Variants in KNG1 observed in about 807,000 individuals in gnomAD.
KNG1 encodes kininogen 1, also known as kininogen-1.
In KNG1, 23 loss-of-function variants were observed where a neutral mutation model predicts 47.8. That is an observed-to-expected ratio of 0.48 (90% CI 0.35 to 0.68). KNG1 has a LOEUF of 0.68. Among genes scored for constraint, KNG1 ranks in the 30% least tolerant of loss-of-function variants. The pLI, the probability that KNG1 is intolerant of heterozygous loss-of-function variation, is 0.01. For synonymous variants in KNG1, 277 were observed against 277.0 expected (o/e 1.00, Z 0.00); for missense variants, 762 against 790.2 (o/e 0.96, Z 0.43).
intron 5 of KNG1, chr3:186,729,132 C>CA (rs1204354125): frequency 5.3e-5 from 8 of 152,142 alleles, no homozygotes; most frequent in African/African-American, 1.9e-4. Flanking sequence ...AAGAGTTTAA[C>CA]ATGCAGAATA....
At chr3:186,731,457 G>C (rs368313974) in intron 5 of KNG1, 88 bp from the exon 6 acceptor site, 8 of 773,032 alleles carry the variant, frequency 1.0e-5, no homozygotes. Context: ...GAAAGTACAC[G>C]TCCTATTCTT....
Position 186,743,601 on chromosome 3 carries a change from C to T in KNG1, c.*1270C>T, listed in dbSNP as rs143325242. The stretch of plus-strand genomic sequence containing the variant: ...ATTGTCTGTTCTTTTAAATAAACAA[C>T]CACAGATGTCAGGAAAAAGTCTTAC... On this transcript the variant is annotated 3_prime_UTR_variant, in exon 10 of 10. Coordinates refer to ENST00000644859, the MANE Select transcript of KNG1 (RefSeq NM_001102416.3). 1.2e-6 allele frequency: 1 copy of T among 801,728 alleles called. No homozygotes were observed. Among genetic ancestry groups the T allele is most frequent in the Non-Finnish European group, 2.2e-6 (1 of 464,902 alleles). The allele number at this position is 801,728 out of a possible 1,614,324, so 49.7% of individuals were successfully genotyped here. A position where few individuals can be genotyped will look rare whatever the true frequency, so the allele number is the denominator to read the frequency against.
chr3:186,717,689 A>G lies in KNG1; in HGVS notation c.147A>G (p.Gln49=). The change falls in exon 1 of 10, where the codon CAA becomes CAG. Residue 49 remains glutamine (Q), a synonymous_variant. Coordinates refer to ENST00000644859, the MANE Select transcript of KNG1 (RefSeq NM_001102416.3). ...TGAAGAAATATAACAGTCAAAACCAAAGTAACAACCAGTTTGTATTGTACC... is the reference window on the plus strand; with the variant it reads ...TGAAGAAATATAACAGTCAAAACCAGAGTAACAACCAGTTTGTATTGTACC... ...AALKKYNSQN[Q]SNNQFVLYRI... The G allele has an allele frequency of 1.2e-6, 2 of 1,613,122 alleles. No individual in the cohort carries two copies. Among genetic ancestry groups the G allele is most frequent in the South Asian group, 2.2e-5 (2 of 91,066 alleles).
In KNG1 at chr3:186,725,149, G is replaced by A. The variant is rs1252094415; in HGVS notation, c.453G>A (p.Thr151=). 3 of 1,614,010 alleles carry A rather than the reference G, an allele frequency of 1.9e-6. No homozygotes were observed. Among genetic ancestry groups the A allele is most frequent in the Middle Eastern group, 3.3e-4 (2 of 6,084 alleles). ...DCLGCVHPIS[T]QSPDLEPILR... ...TCGGCTGTGTGCATCCTATATCAACGCAGAGCCCAGACCTGGAGCCCATTC... is the reference window on the plus strand; with the variant it reads ...TCGGCTGTGTGCATCCTATATCAACACAGAGCCCAGACCTGGAGCCCATTC... Residue 151 remains threonine (T), a synonymous_variant, in exon 4 of 10, where the codon ACG becomes ACA. Transcript: ENST00000644859.
intron 3 of KNG1, among the ~76,000 whole-genome samples, 163 bp downstream of exon 3, chr3:186,722,684 G>A (rs1720240265): frequency 6.6e-6 from 1 of 152,240 alleles, no homozygotes; most frequent in Non-Finnish European, 1.5e-5. Context: ...CCCGGAGGTT[G>A]AGCCAGGCTT....
intron 7 of KNG1, chr3:186,735,735 G>A (rs112323692): frequency 0.098 from 14,865 of 152,342 alleles, 814 homozygotes; most frequent in South Asian, 0.16. Context: ...CTGGGAGGTC[G>A]AGACTGCAGT....
chr3:186,726,274 C>CTTTTTTTTTTTTTTTTTTTTTTTT (rs774226752), intron 4 of KNG1, among the ~76,000 whole-genome samples: 1 of 113,734 alleles, frequency 8.8e-6, no homozygotes, highest in African/African-American at 3.1e-5. Context: ...GACTTTTCTT[C>CTTTTTTTTTTTTTTTTTTTTTTTT]TTTTTTTTTT....
chr3:186,731,841 T>TGAAG (rs2108629716), intron 6 of KNG1, among the ~76,000 whole-genome samples: 1 of 152,346 alleles, frequency 6.6e-6, no homozygotes, highest in South Asian at 2.1e-4. Flanking sequence ...GAATGGTTTA[T>TGAAG]GAAGACAGAA....
rs144464462 is a variant in KNG1 at position 186,737,647 on chromosome 3, C to T, written c.931-1452C>T. 1.2e-3 allele frequency among the ~76,000 whole-genome samples: 183 copies of T among 152,046 alleles called. 2 individuals are homozygous for T. The highest frequency in any genetic ancestry group is 0.01 in the Middle Eastern group (3 of 294). On this transcript the variant is annotated intron_variant, in intron 7 of 9. Transcript: ENST00000644859. ...TCTTGGCTCACTGTAACCTCTGCCA[C>T]CCAGGTTCAAGCGATTCTCCTGCCT...
In KNG1 at chr3:186,741,987, A is replaced by G. The variant is rs1304912212; in HGVS notation, c.1591A>G (p.Ser531Gly). The change falls in exon 10 of 10, where the codon AGT becomes GGT. Residue 531 changes from serine to glycine, a missense_variant. Coordinates refer to ENST00000644859, the MANE Select transcript of KNG1 (RefSeq NM_001102416.3). ...TEHLASSSEDSTTPSAQTQEK... is the reference protein window; with the variant it reads ...TEHLASSSEDGTTPSAQTQEK... ...GCATTTGGCAAGCTCTTCTGAAGAC[A>G]GTACTACACCTTCTGCACAGACACA... 4 of 1,614,124 alleles carry G rather than the reference A, an allele frequency of 2.5e-6. No homozygotes were observed. The highest frequency in any genetic ancestry group is 3.4e-6 in the Non-Finnish European group (4 of 1,180,060).
chr3:186,720,252 T>G (rs930719306), intron 2 of KNG1, 37 bp downstream of exon 2: 14 of 1,361,580 alleles, frequency 1.0e-5, no homozygotes, highest in Non-Finnish European at 1.4e-5. Context: ...TTCTGTTTTC[T>G]CCGTTGACCC....
intron 4 of KNG1, among the ~76,000 whole-genome samples, chr3:186,726,541 C>T (rs993429235): frequency 1.2e-4 from 19 of 152,084 alleles, no homozygotes; most frequent in African/African-American, 3.4e-4. Flanking sequence ...CCTCCCGTCT[C>T]GGCCTCCCAA....
At chr3:186,727,925 G>C (rs1366668464) in intron 5 of KNG1, among the ~76,000 whole-genome samples, 2 of 152,128 alleles carry the variant, frequency 1.3e-5, no homozygotes, top group African/African-American at 4.8e-5. Context: ...TAAAATGCTT[G>C]AACGGTCAAC....
intron 5 of KNG1, among the ~76,000 whole-genome samples, 198 bp downstream of exon 5, chr3:186,727,542 T>TA (rs1454967312): frequency 1.3e-5 from 2 of 152,170 alleles, no homozygotes; most frequent in African/African-American, 4.8e-5. Context: ...TCTGCACAGC[T>TA]AGCAATAAGT....
chr3:186,729,878 G>T (rs868675390), intron 5 of KNG1, among the ~76,000 whole-genome samples: 1 of 152,076 alleles, frequency 6.6e-6, no homozygotes, highest in Non-Finnish European at 1.5e-5. Flanking sequence ...CTCCATGTTG[G>T]TCAGGCTGGT....
intron 5 of KNG1, 71 bp from the exon 6 acceptor site, chr3:186,731,474 T>C: frequency 1.2e-6 from 1 of 866,794 alleles, no homozygotes; most frequent in Admixed American, 1.8e-5. Context: ...TCTTCAATTT[T>C]ACTAGTTGTT....
Position 186,743,368 on chromosome 3 carries a change from A to G in KNG1, c.*1037A>G. 1 of 276,754 alleles carries G rather than the reference A, an allele frequency of 3.6e-6. No homozygotes were observed. Among genetic ancestry groups the G allele is most frequent in the Non-Finnish European group, 7.0e-6 (1 of 142,896 alleles). 17.1% of individuals were successfully genotyped at this position (276,754 alleles called of 1,614,324 possible). A position where few individuals can be genotyped will look rare whatever the true frequency, so the allele number is the denominator to read the frequency against. On this transcript the variant is annotated 3_prime_UTR_variant, in exon 10 of 10. Transcript: ENST00000644859. ...TCTTTTTGCTATGACTTTGAAGACC[A>G]TTGATTTTTGAGAAGCAGAATAATA...
At chr3:186,737,332 T>A (rs979394209) in intron 7 of KNG1, among the ~76,000 whole-genome samples, 1 of 152,190 alleles carries the variant, frequency 6.6e-6, no homozygotes, top group East Asian at 1.9e-4. Flanking sequence ...GGGCTTTATA[T>A]TCATACAGAC....
At chr3:186,738,707 G>A (rs577911283) in intron 7 of KNG1, 9 of 229,470 alleles carry the variant, frequency 3.9e-5, no homozygotes, top group East Asian at 1.2e-4. Context: ...TTAGCCAGGC[G>A]TGGAGGTGGG....
Sources: gnomAD v4.1 joint callset for allele counts (sites outside exome capture counted in the v4.1 genomes callset) on GRCh38, gnomAD v4.1.1 for gene constraint, MANE v1.5 for transcripts, NCBI Gene and HGNC (gene_info 2026-07-23, HGNC 2026-07-21) for gene names.